The following SLC35D4 variants were observed in gnomAD, a reference collection of about 807,000 sequenced individuals.
The protein encoded by SLC35D4 is UDP-N-acetylglucosamine transporter SLC35D4.
chr18:23,271,155 G>T, the SLC35D4 span, among the ~76,000 whole-genome samples: 2 of 152,166 alleles, frequency 1.3e-5, no homozygotes, highest in Non-Finnish European at 2.9e-5. Context: ...AGTCTCACAA[G>T]ATCTGATGGT....
chr18:23,320,988 T>C, the SLC35D4 span, among the ~76,000 whole-genome samples: 13 of 152,194 alleles, frequency 8.5e-5, no homozygotes, highest in Admixed American at 2.6e-4. Context: ...AAAACTAGAC[T>C]TCCTCTGGGG....
the SLC35D4 span, among the ~76,000 whole-genome samples, chr18:23,316,329 G>A: frequency 6.6e-6 from 1 of 152,182 alleles, no homozygotes; most frequent in Non-Finnish European, 1.5e-5. Context: ...CCAGGTTAAA[G>A]AGTAAATCTA....
At chr18:23,304,120 A>G in the SLC35D4 span, among the ~76,000 whole-genome samples, 2 of 150,684 alleles carry the variant, frequency 1.3e-5, no homozygotes, top group African/African-American at 2.4e-5. Context: ...AAAATAAAAT[A>G]CAAAAAATTA....
chr18:23,270,811 G>A, the SLC35D4 span, among the ~76,000 whole-genome samples: 4 of 152,240 alleles, frequency 2.6e-5, no homozygotes, highest in South Asian at 2.1e-4. Context: ...GTTCTGTCTA[G>A]GCAGTGGGCA....
the SLC35D4 span, among the ~76,000 whole-genome samples, chr18:23,267,745 C>T: frequency 1.2e-4 from 19 of 152,154 alleles, no homozygotes; most frequent in African/African-American, 4.3e-4. Flanking sequence ...CTTAGGTCCT[C>T]AGCCACTCCC....
the SLC35D4 span, among the ~76,000 whole-genome samples, chr18:23,398,605 A>G: frequency 6.6e-6 from 1 of 152,288 alleles, no homozygotes; most frequent in African/African-American, 2.4e-5. Flanking sequence ...CCATCTACTC[A>G]AGCTTATGAA....
At chr18:23,303,593 G>A in the SLC35D4 span, among the ~76,000 whole-genome samples, 1 of 152,222 alleles carries the variant, frequency 6.6e-6, no homozygotes, top group Admixed American at 6.5e-5. Context: ...ACTTGTAAGA[G>A]AGAAAGATAT....
At chr18:23,264,311 A>G in the SLC35D4 span, among the ~76,000 whole-genome samples, 1 of 151,410 alleles carries the variant, frequency 6.6e-6, no homozygotes, top group Non-Finnish European at 1.5e-5. Context: ...GCTACACAGC[A>G]AAACAGGAGC....
chr18:23,416,524 A>G, the SLC35D4 span, among the ~76,000 whole-genome samples: 2 of 152,208 alleles, frequency 1.3e-5, no homozygotes, highest in East Asian at 3.8e-4. Context: ...CAGCAAATAC[A>G]AACCCAGCCC....
At chr18:23,389,690 C>T in the SLC35D4 span, among the ~76,000 whole-genome samples, 10 of 152,278 alleles carry the variant, frequency 6.6e-5, no homozygotes, top group Admixed American at 3.3e-4. Flanking sequence ...AGGCATACAC[C>T]ACCACGCCCA....
the SLC35D4 span, among the ~76,000 whole-genome samples, chr18:23,314,857 G>T: frequency 6.6e-6 from 1 of 152,196 alleles, no homozygotes; most frequent in Non-Finnish European, 1.5e-5. Flanking sequence ...AACTCAATAC[G>T]AGGTGTCAGC....
chr18:23,325,513 C>T, the SLC35D4 span, among the ~76,000 whole-genome samples: 3 of 152,124 alleles, frequency 2.0e-5, no homozygotes, highest in Admixed American at 2.0e-4. Flanking sequence ...ATCAGTTGCA[C>T]ACTGAGTGTC....
chr18:23,387,733 T>A, the SLC35D4 span, among the ~76,000 whole-genome samples: 1 of 152,154 alleles, frequency 6.6e-6, no homozygotes, highest in East Asian at 1.9e-4. Flanking sequence ...CTTACCTTTT[T>A]AAAAAAACAT....
At chr18:23,287,634 C>A in the SLC35D4 span, among the ~76,000 whole-genome samples, 1 of 152,192 alleles carries the variant, frequency 6.6e-6, no homozygotes, top group Non-Finnish European at 1.5e-5. Context: ...GCCATCCTAA[C>A]AAAACCATTA....
chr18:23,428,742 C>A, the SLC35D4 span, among the ~76,000 whole-genome samples: 2 of 151,300 alleles, frequency 1.3e-5, no homozygotes, highest in South Asian at 2.1e-4. Flanking sequence ...TACACAGGTA[C>A]ATTGCGTGAT....
the SLC35D4 span, chr18:23,331,502 G>C: frequency 6.6e-6 from 1 of 152,222 alleles, no homozygotes; most frequent in African/African-American, 2.4e-5. Context: ...AAACAGGAGG[G>C]CAGGTTCAGC....
At chr18:23,263,070 T>C in the SLC35D4 span, among the ~76,000 whole-genome samples, 1 of 152,196 alleles carries the variant, frequency 6.6e-6, no homozygotes, top group Non-Finnish European at 1.5e-5. Context: ...CATTTAACCC[T>C]TAAACAATGA....
the SLC35D4 span, among the ~76,000 whole-genome samples, chr18:23,338,434 G>A: frequency 1.3e-5 from 2 of 152,108 alleles, no homozygotes; most frequent in African/African-American, 4.8e-5. Context: ...GCCAACTGCT[G>A]GCTCTCATTA....
the SLC35D4 span, among the ~76,000 whole-genome samples, chr18:23,391,071 C>T: frequency 6.6e-6 from 1 of 151,760 alleles, no homozygotes; most frequent in African/African-American, 2.4e-5. Context: ...ACTAAAAATG[C>T]AAAAATTAGC....
Sources: gnomAD v4.1 joint callset for allele counts (sites outside exome capture counted in the v4.1 genomes callset) on GRCh38, gnomAD v4.1.1 for gene constraint, MANE v1.5 for transcripts, NCBI Gene and HGNC (gene_info 2026-07-23, HGNC 2026-07-21) for gene names.